EML2: variants seen among roughly 807,000 people sequenced by gnomAD.
The protein encoded by EML2 is echinoderm microtubule-associated protein-like 2.
In EML2, 59 loss-of-function variants were observed where a neutral mutation model predicts 84.7. The ratio of observed to expected loss-of-function variants is 0.70; its 90% CI spans 0.56 to 0.86. The LOEUF (loss-of-function observed/expected upper bound fraction) is 0.86, where lower values mean the gene tolerates loss of function less well. Ranked by LOEUF, EML2 falls within the 40% of genes least tolerant of loss-of-function variation. The pLI, the probability that EML2 is intolerant of heterozygous loss-of-function variation, is 0.00. For synonymous variants in EML2, 352 were observed against 348.9 expected (o/e 1.01, Z -0.10); for missense variants, 818 against 855.6 (o/e 0.96, Z 0.55).
intron 13 of EML2, among the ~76,000 whole-genome samples, chr19:45,617,089 T>A (rs1278143002): frequency 1.3e-5 from 2 of 151,400 alleles, no homozygotes; most frequent in Non-Finnish European, 2.9e-5. Context: ...CTACTAAAAA[T>A]ACAAAAATTA....
intron 9 of EML2, among the ~76,000 whole-genome samples, chr19:45,622,913 G>A (rs1378651750): frequency 2.6e-5 from 4 of 151,212 alleles, no homozygotes; most frequent in African/African-American, 9.7e-5. Flanking sequence ...GCCGGGAGTG[G>A]TGATGGGCAC....
rs1371627913 is a variant in EML2 at position 45,621,633 on chromosome 19, C to T, written c.846G>A (p.Gly282=). 6.2e-7 allele frequency: 1 copy of T among 1,607,030 alleles called. No homozygotes were observed. The highest frequency in any genetic ancestry group is 8.5e-7 in the Non-Finnish European group (1 of 1,179,576). ...GGNLYVWGKG[G]NRITQAVLGA... ...CCAGCACCGCCTGTGTGATACGGTT[C>T]CCACCTGCAGGGTGGCCAGGGGCAG... Residue 282 remains glycine (G), a synonymous_variant, in exon 10 of 19, where the codon GGG becomes GGA. Transcript: ENST00000245925.
chr19:45,639,356 C>T lies in EML2; in HGVS notation c.20+1G>A, dbSNP rs369018290. On this transcript the variant is annotated splice_donor_variant, in intron 1 of 18. Transcript: ENST00000245925. LOFTEE classifies it high-confidence loss of function. ...GGGGGTGGTCTGCGAAAGGGTCTCACCCAGCTCCAAAGCTACTCATGGCGG... is the reference window on the plus strand; with the variant it reads ...GGGGGTGGTCTGCGAAAGGGTCTCATCCAGCTCCAAAGCTACTCATGGCGG... 41 of 1,295,746 alleles carry T rather than the reference C, an allele frequency of 3.2e-5. No individual in the cohort carries two copies. In the African/African-American group the frequency reaches 5.4e-4, roughly 17 times the overall value. 80.3% of individuals were successfully genotyped at this position (1,295,746 alleles called of 1,614,324 possible).
upstream of EML2, chr19:45,645,493 C>T (rs1200771890): frequency 2.9e-6 from 4 of 1,399,038 alleles, no homozygotes; most frequent in Non-Finnish European, 3.7e-6. Flanking sequence ...GGGCCCGGCG[C>T]TGGGGTCATC....
chr19:45,643,680 C>T, upstream of EML2: 1 of 1,535,816 alleles, frequency 6.5e-7, no homozygotes, highest in South Asian at 1.2e-5. Flanking sequence ...CTCGCCCCTG[C>T]CATCCCGCGT....
chr19:45,628,425 CA>C (rs1972628280), intron 7 of EML2, among the ~76,000 whole-genome samples: 4 of 152,000 alleles, frequency 2.6e-5, no homozygotes, highest in African/African-American at 9.6e-5. Context: ...TAAGGCCACA[CA>C]GCTAGGCAAG....
At chr19:45,634,521 T>C (rs770762077) in intron 3 of EML2, 50 bp from the exon 4 acceptor site, 4 of 1,312,170 alleles carry the variant, frequency 3.0e-6, no homozygotes, top group Middle Eastern at 2.6e-4. Flanking sequence ...TGTTGTTGTT[T>C]GTTTGTTTTG....
intron 4 of EML2, among the ~76,000 whole-genome samples, chr19:45,633,828 T>G (rs914503253): frequency 6.6e-6 from 1 of 152,200 alleles, no homozygotes; most frequent in Non-Finnish European, 1.5e-5. Flanking sequence ...GACTGCAGCC[T>G]CCAACTCCTG....
intron 17 of EML2, among the ~76,000 whole-genome samples, chr19:45,614,265 G>A (rs772264659): frequency 6.6e-6 from 1 of 152,208 alleles, no homozygotes; most frequent in African/African-American, 2.4e-5. Flanking sequence ...AGCCACAGGA[G>A]AGCAGGGCCG....
At chr19:45,634,175 C>G in intron 4 of EML2, 147 bp downstream of exon 4, 2 of 901,386 alleles carry the variant, frequency 2.2e-6, no homozygotes, top group Non-Finnish European at 3.3e-6. Context: ...AGCCTGAGGG[C>G]AGCTGGTGGC....
intron 12 of EML2, among the ~76,000 whole-genome samples, chr19:45,618,265 G>A (rs543473731): frequency 8.5e-4 from 127 of 150,198 alleles, no homozygotes; most frequent in Non-Finnish European, 1.2e-3. Flanking sequence ...TTGTAAAGAT[G>A]GGGTTTTGCC....
At chr19:45,620,146 C>CTCTG in intron 11 of EML2, among the ~76,000 whole-genome samples, 1 of 152,174 alleles carries the variant, frequency 6.6e-6, no homozygotes, top group South Asian at 2.1e-4. Flanking sequence ...CGGAATCTCA[C>CTCTG]TCTGTCATCC....
chr19:45,618,959 A>G, intron 12 of EML2, 101 bp downstream of exon 12: 1 of 1,328,926 alleles, frequency 7.5e-7, no homozygotes, highest in Non-Finnish European at 9.9e-7. Context: ...AGAAAAAAAA[A>G]AAAAGACCTT....
chr19:45,643,791 G>T, upstream of EML2: 1 of 1,467,738 alleles, frequency 6.8e-7, no homozygotes, highest in South Asian at 1.4e-5. Context: ...TGCCCGCCCT[G>T]CCCCCCACTC....
chr19:45,634,669 C>A (rs1465331781), intron 3 of EML2, among the ~76,000 whole-genome samples, 198 bp from the exon 4 acceptor site: 1 of 151,306 alleles, frequency 6.6e-6, no homozygotes, highest in Non-Finnish European at 1.5e-5. Flanking sequence ...TCATGCCATT[C>A]TCCTGCCTCA....
At chr19:45,636,391 C>T (rs1389280636) in intron 3 of EML2, among the ~76,000 whole-genome samples, 1 of 152,168 alleles carries the variant, frequency 6.6e-6, no homozygotes. Context: ...ACTGTGAGTT[C>T]CATGGTGGCT....
chr19:45,642,238 TCCGCCAGCGCCGCCTTTAGGA>T (rs1974599332), upstream of EML2: 1 of 1,535,714 alleles, frequency 6.5e-7, no homozygotes, highest in African/African-American at 1.4e-5. Flanking sequence ...ACGCAGAGCA[TCCGCCAGCGCCGCCTTTAGGA>T]CCGCCAGCTC....
chr19:45,638,735 CTG>C, intron 2 of EML2, 101 bp from the exon 3 acceptor site: 1 of 1,588,372 alleles, frequency 6.3e-7, no homozygotes, highest in Non-Finnish European at 8.6e-7. Flanking sequence ...GGCAGGGAAA[CTG>C]AGGCCAGAGA....
rs2122664848 is a variant in EML2, at chr19:45,621,531, C to G, written c.948G>C (p.Arg316=). Residue 316 remains arginine, a synonymous_variant, in exon 10 of 19, where the codon CGG becomes CGC. Transcript: ENST00000245925. ...GTLVSGGGRD[R]RVVLWGSDYS... ...AGTCAGAACCCCAGAGGACCACCCG[C>G]CGATCACGGCCCCCTCCAGACACCA... is the stretch of plus-strand genomic sequence containing the variant. 1 of 1,612,938 alleles carries G rather than the reference C, an allele frequency of 6.2e-7. No individual in the cohort carries two copies.
Sources: allele counts gnomAD v4.1 joint callset (sites outside exome capture counted in the v4.1 genomes callset), GRCh38; gene constraint gnomAD v4.1.1; transcripts MANE v1.5; gene names NCBI Gene and HGNC (gene_info 2026-07-23, HGNC 2026-07-21).